The following ELFN1 variants were observed in gnomAD, a reference collection of about 807,000 sequenced individuals.
ELFN1 encodes the protein extracellular leucine rich repeat and fibronectin type III domain containing 1, also known as protein ELFN1.
Under a neutral mutation model 7.6 loss-of-function variants are expected in ELFN1, and 6 were observed. The ratio of observed to expected loss-of-function variants is 0.79; its 90% CI spans 0.43 to 1.56. ELFN1 has a LOEUF of 1.56. Ranked by LOEUF, ELFN1 falls within the 40% of genes most tolerant of loss-of-function variation. The probability of loss-of-function intolerance (pLI) is 0.01; values close to 1 mark genes in which losing one functional copy is unlikely to be tolerated. For missense variants in ELFN1, 1,169 were observed against 1,232.2 expected (o/e 0.95, Z 0.77); for synonymous variants, 657 against 588.1 (o/e 1.12, Z -1.70).
In ELFN1 at chr7:1,673,305, G is replaced by A. The variant is rs1381289271; in HGVS notation, c.-549+2951G>A. 6.6e-6 allele frequency among the ~76,000 whole-genome samples: 1 copy of A among 152,154 alleles called. No individual in the cohort carries two copies. The highest frequency in any genetic ancestry group is 1.5e-5 in the Non-Finnish European group (1 of 68,030). On this transcript the variant is annotated intron_variant, in intron 1 of 3. Transcript: ENST00000424383. This position sits in a 1 kb window ranked among gnomAD's most constrained non-coding sequence, Gnocchi z 4.7. ...GGAGAGGGTGGTGGAGGGGTCCTAT[G>A]TCTGGCGTCTGTGTCCTGTTGTGTT...
At position 1,739,733 on chromosome 7, in the gene ELFN1, C is replaced by T. The variant is rs117446094; in HGVS notation, c.-293-4571C>T. 2.5e-3 allele frequency among the ~76,000 whole-genome samples: 377 copies of T among 152,086 alleles called. 6 individuals carry two copies. The East Asian group carries it at 0.028, about 11-fold the overall frequency. On this transcript the variant is annotated intron_variant, in intron 3 of 3. Transcript: ENST00000424383. The surrounding 1 kb of genome is among the most constrained non-coding windows in gnomAD (Gnocchi z 4.6). ...AGCAGCTTCCTGGGCCAAGGGCTGC[C>T]GAGAGGCTGAGCAAGACAAAAATGG...
chr7:1,679,145 G>A (rs750393018), intron 1 of ELFN1, among the ~76,000 whole-genome samples: 18 of 151,476 alleles, frequency 1.2e-4, no homozygotes, highest in South Asian at 2.1e-4. Context: ...ACACGCGTGC[G>A]CGCACACACA....
At chr7:1,717,704 G>A (rs1779877013) in intron 3 of ELFN1, among the ~76,000 whole-genome samples, 1 of 152,162 alleles carries the variant, frequency 6.6e-6, no homozygotes, top group African/African-American at 2.4e-5. Flanking sequence ...GGCACAGGGT[G>A]CTTTCGGGTA....
In ELFN1 at chr7:1,736,086, C is replaced by G. The variant is rs61158492; in HGVS notation, c.-293-8218C>G. On this transcript the variant is annotated intron_variant, in intron 3 of 3. Coordinates refer to ENST00000424383, the MANE Select transcript of ELFN1 (RefSeq NM_001128636.4). ...GGTCACCGTGGCAGGCCTTGCGGCTCGAGGCCCAACTGCCCTGATATGCCT... is the reference window on the plus strand; with the variant it reads ...GGTCACCGTGGCAGGCCTTGCGGCTGGAGGCCCAACTGCCCTGATATGCCT... Among the ~76,000 whole-genome samples the G allele has an allele frequency of 8.8e-3, 1,335 of 152,266 alleles. 25 individuals are homozygous for G. The highest frequency in any genetic ancestry group is 0.03 in the African/African-American group (1,266 of 41,540).
chr7:1,668,633 G>T (rs1778706814), upstream of ELFN1, among the ~76,000 whole-genome samples: 2 of 152,206 alleles, frequency 1.3e-5, no homozygotes. Flanking sequence ...TGCAGCTGGG[G>T]AGACCTCACA....
chr7:1,714,350 C>T (rs952741396), intron 3 of ELFN1, among the ~76,000 whole-genome samples: 15 of 152,190 alleles, frequency 9.9e-5, no homozygotes, highest in African/African-American at 3.1e-4. Flanking sequence ...AGCAGCAGTG[C>T]AGGGCTGGGC....
At position 1,739,701 on chromosome 7, in the gene ELFN1, G is replaced by A. The variant is rs1381934436; in HGVS notation, c.-293-4603G>A. 6.6e-6 allele frequency among the ~76,000 whole-genome samples: 1 copy of A among 152,192 alleles called. No homozygotes were observed. Among genetic ancestry groups the A allele is most frequent in the African/African-American group, 2.4e-5 (1 of 41,438 alleles). On this transcript the variant is annotated intron_variant, in intron 3 of 3. Transcript: ENST00000424383. This position sits in a 1 kb window ranked among gnomAD's most constrained non-coding sequence, Gnocchi z 4.6. Reference sequence around the variant, plus strand: ...TGCTGGAGTGGAGAGGGCGGCAGGAGGGAGCCAGCAGCTTCCTGGGCCAAG... The same window carrying A: ...TGCTGGAGTGGAGAGGGCGGCAGGAAGGAGCCAGCAGCTTCCTGGGCCAAG...
chr7:1,720,615 C>T (rs1179729553), intron 3 of ELFN1, among the ~76,000 whole-genome samples: 1 of 152,178 alleles, frequency 6.6e-6, no homozygotes. Flanking sequence ...AGAACCTCAG[C>T]AGGTTGTGAT....
rs1300071635 is a variant in ELFN1 at position 1,746,892 on chromosome 7, C to A, written c.2296C>A (p.Pro766Thr). 1.9e-6 allele frequency: 3 copies of A among 1,546,536 alleles called. No homozygotes were observed. Among genetic ancestry groups the A allele is most frequent in the Non-Finnish European group, 2.6e-6 (3 of 1,144,890 alleles). The change falls in exon 4 of 4, where the codon CCC becomes ACC. Residue 766 changes from proline (P) to threonine (T), a missense_variant. Physicochemically the swap from Pro to Thr is conservative, Grantham distance 38 (BLOSUM62 -1). This residue lies in a region of ELFN1 where 914 missense variants were observed against 872.6 expected (regional missense o/e 1.05). Transcript: ENST00000424383. The part of the protein sequence containing the change: ...QYHSLSYSSS[P>T]EYTCRASQSI... The stretch of plus-strand genomic sequence containing the variant: ...CCACAGCCTGAGCTACTCCTCCAGC[C>A]CCGAGTACACCTGCCGGGCCTCCCA...
chr7:1,681,602 G>T (rs888321458), intron 1 of ELFN1, among the ~76,000 whole-genome samples: 3 of 152,196 alleles, frequency 2.0e-5, no homozygotes, highest in Admixed American at 6.5e-5. Context: ...GACCTCAAGT[G>T]ATCCACCCAC....
intron 3 of ELFN1, among the ~76,000 whole-genome samples, chr7:1,742,454 G>A (rs577354545): frequency 6.4e-4 from 97 of 152,354 alleles, no homozygotes; most frequent in Admixed American, 1.1e-3. Flanking sequence ...GGTTGTCTGG[G>A]CACGGTGCAG....
rs987082988 is a variant in ELFN1, at chr7:1,735,324, C to T, written c.-293-8980C>T. 6.6e-5 allele frequency among the ~76,000 whole-genome samples: 10 copies of T among 152,090 alleles called. No individual in the cohort carries two copies. Among genetic ancestry groups the T allele is most frequent in the Non-Finnish European group, 1.0e-4 (7 of 67,990 alleles). Reference sequence around the variant, plus strand: ...ATGGCCCAAGGTCACATGGTAAGGTCGTCAGGCACTCGGCACCGTTCCCAT... The same window carrying T: ...ATGGCCCAAGGTCACATGGTAAGGTTGTCAGGCACTCGGCACCGTTCCCAT... On this transcript the variant is annotated intron_variant, in intron 3 of 3. Transcript: ENST00000424383. The surrounding 1 kb of genome is among the most constrained non-coding windows in gnomAD (Gnocchi z 5.9).
At position 1,695,430 on chromosome 7, in the gene ELFN1, G is replaced by A. The variant is rs116736566; in HGVS notation, c.-456+7280G>A. ...TGGGAGGCAGGAGCAGACTCAGCCC[G>A]CCAAGCCCATGAACCCCACTTTGAA... On this transcript the variant is annotated intron_variant, in intron 2 of 3. Transcript: ENST00000424383. The surrounding 1 kb of genome is among the most constrained non-coding windows in gnomAD (Gnocchi z 5.1). 2.6e-3 allele frequency among the ~76,000 whole-genome samples: 400 copies of A among 152,202 alleles called. 1 individual carries two copies. Among genetic ancestry groups the A allele is most frequent in the African/African-American group, 9.1e-3 (378 of 41,520 alleles).
intron 1 of ELFN1, among the ~76,000 whole-genome samples, chr7:1,682,541 A>G (rs1301489692): frequency 6.6e-6 from 1 of 152,042 alleles, no homozygotes; most frequent in African/African-American, 2.4e-5. Context: ...CCTGGGCTCA[A>G]GTGATCTCCT....
At chr7:1,699,847 GCGTGTGCCAC>G (rs1202659905) in intron 2 of ELFN1, among the ~76,000 whole-genome samples, 2 of 152,080 alleles carry the variant, frequency 1.3e-5, no homozygotes, top group Non-Finnish European at 2.9e-5. Flanking sequence ...GGGATTACAG[GCGTGTGCCAC>G]CGTGCCCTGC....
intron 3 of ELFN1, among the ~76,000 whole-genome samples, chr7:1,736,545 A>G (rs1265117960): frequency 6.6e-6 from 1 of 152,248 alleles, no homozygotes; most frequent in African/African-American, 2.4e-5. Flanking sequence ...AGGCCGCGGA[A>G]GGAACTTGGT....
intron 3 of ELFN1, among the ~76,000 whole-genome samples, chr7:1,711,191 G>T (rs933166844): frequency 2.0e-5 from 3 of 152,244 alleles, no homozygotes; most frequent in Non-Finnish European, 2.9e-5. Flanking sequence ...CTTCCCCTGG[G>T]AATATGTGGA....
chr7:1,701,253 A>C (rs997783440), intron 2 of ELFN1, among the ~76,000 whole-genome samples: 2 of 151,944 alleles, frequency 1.3e-5, no homozygotes, highest in Non-Finnish European at 2.9e-5. Flanking sequence ...TGGTGGGATC[A>C]CGGCTCACTG....
intron 3 of ELFN1, among the ~76,000 whole-genome samples, chr7:1,731,316 A>C (rs1780320811): frequency 6.6e-6 from 1 of 152,254 alleles, no homozygotes; most frequent in Non-Finnish European, 1.5e-5. Context: ...CATCTGAATG[A>C]ATATTCAAAT....
Sources: gnomAD v4.1 joint callset for allele counts (sites outside exome capture counted in the v4.1 genomes callset) on GRCh38, gnomAD v4.1.1 for gene constraint, gnomAD v4.1.1 regional missense constraint, Gnocchi (gnomAD v3.1) non-coding constraint, MANE v1.5 for transcripts, NCBI Gene and HGNC (gene_info 2026-07-23, HGNC 2026-07-21) for gene names.